SATB1: variants seen among roughly 807,000 people sequenced by gnomAD.
SATB1 encodes the protein DNA-binding protein SATB1.
In SATB1, 11 loss-of-function variants were observed where a neutral mutation model predicts 86.9. That is an observed-to-expected ratio of 0.13 (90% CI 0.08 to 0.21). The LOEUF (loss-of-function observed/expected upper bound fraction) is 0.21. Ranked by LOEUF, SATB1 falls within the 10% of genes least tolerant of loss-of-function variation. The pLI, the probability that SATB1 is intolerant of heterozygous loss-of-function variation, is 1.00. For synonymous variants in SATB1, 357 were observed against 357.2 expected (o/e 1.00, Z 0.01); for missense variants, 551 against 937.6 (o/e 0.59, Z 5.39).
intron 9 of SATB1, among the ~76,000 whole-genome samples, chr3:18,359,334 C>T (rs1319854700): frequency 6.6e-6 from 1 of 151,536 alleles, no homozygotes; most frequent in Non-Finnish European, 1.5e-5. Context: ...GGAGATCTCA[C>T]ATTTTAAAGA....
intron 5 of SATB1, among the ~76,000 whole-genome samples, chr3:18,410,021 G>A (rs1455376581): frequency 6.6e-6 from 1 of 152,008 alleles, no homozygotes; most frequent in Non-Finnish European, 1.5e-5. Context: ...GAATAGGAAA[G>A]AGAAGTAACT....
At chr3:18,351,355 TG>T (rs1694350340) in intron 10 of SATB1, 1 of 1,555,484 alleles carries the variant, frequency 6.4e-7, no homozygotes, top group Non-Finnish European at 8.6e-7. Flanking sequence ...TCGGCAGGCC[TG>T]GTAAGAAAAC....
At chr3:18,395,508 A>T (rs1358077472) in intron 6 of SATB1, among the ~76,000 whole-genome samples, 1 of 152,232 alleles carries the variant, frequency 6.6e-6, no homozygotes, top group African/African-American at 2.4e-5. Flanking sequence ...ATAAGTGTAT[A>T]TTGAACACTT....
chr3:18,431,445 A>G (rs1046410001), intron 2 of SATB1, among the ~76,000 whole-genome samples: 15 of 152,288 alleles, frequency 9.8e-5, no homozygotes, highest in African/African-American at 3.1e-4. Context: ...TTACTCATGT[A>G]TATATTTCTG....
At chr3:18,434,860 A>G (rs1342124000) in intron 2 of SATB1, 1 of 151,978 alleles carries the variant, frequency 6.6e-6, no homozygotes, top group African/African-American at 2.4e-5. Flanking sequence ...TGTCAAACAA[A>G]CAAATAAAAA....
At chr3:18,433,202 G>C (rs1376519257) in intron 2 of SATB1, among the ~76,000 whole-genome samples, 1 of 152,130 alleles carries the variant, frequency 6.6e-6, no homozygotes, top group Non-Finnish European at 1.5e-5. Context: ...AATTCTTTTG[G>C]AATGTTTTTC....
chr3:18,371,766 T>C (rs917599535), intron 9 of SATB1, among the ~76,000 whole-genome samples: 18 of 152,228 alleles, frequency 1.2e-4, no homozygotes, highest in African/African-American at 4.3e-4. Flanking sequence ...ACCTTCATTA[T>C]CAAAAACATA....
chr3:18,430,386 GAACT>G (rs1384569547), intron 2 of SATB1, among the ~76,000 whole-genome samples: 1 of 152,162 alleles, frequency 6.6e-6, no homozygotes, highest in African/African-American at 2.4e-5. Context: ...ACAAATTTAA[GAACT>G]TTCTAGACAT....
At chr3:18,419,037 C>T (rs955171205) in intron 2 of SATB1, among the ~76,000 whole-genome samples, 3 of 152,142 alleles carry the variant, frequency 2.0e-5, no homozygotes, top group Admixed American at 6.5e-5. Flanking sequence ...ATGTATTCTA[C>T]AATATGCTTT....
intron 9 of SATB1, among the ~76,000 whole-genome samples, chr3:18,354,544 AT>A (rs1016419177): frequency 1.2e-3 from 175 of 151,790 alleles, no homozygotes; most frequent in African/African-American, 3.8e-3. Context: ...GCATCCAAGA[AT>A]TTTTTTTTAG....
rs1449946791 is a variant in SATB1, at chr3:18,394,318, T to G, written c.1206+144A>C. The stretch of plus-strand genomic sequence containing the variant: ...GGAAAAGGAGTGGTAAAATTGAGGC[T>G]CCACCAGGAATAGGTAATATGATCA... On this transcript the variant is annotated intron_variant, in intron 7 of 10. Coordinates refer to ENST00000338745, the MANE Select transcript of SATB1 (RefSeq NM_002971.6). The surrounding 1 kb of genome is among the most constrained non-coding windows in gnomAD (Gnocchi z 5.9). The G allele has an allele frequency of 4.2e-6, 3 of 708,118 alleles. No homozygotes were observed. Among genetic ancestry groups the G allele is most frequent in the Non-Finnish European group, 4.7e-6 (2 of 425,402 alleles). The allele number at this position is 708,118 out of a possible 1,614,324, so 43.9% of individuals were successfully genotyped here.
intron 3 of SATB1, 120 bp from the exon 4 acceptor site, chr3:18,416,253 G>T: frequency 1.5e-6 from 1 of 675,646 alleles, no homozygotes; most frequent in Non-Finnish European, 2.2e-6. Context: ...ATTTCTGTTT[G>T]AATGATTCCC....
At chr3:18,365,398 G>T (rs1036768975) in intron 9 of SATB1, among the ~76,000 whole-genome samples, 11 of 145,216 alleles carry the variant, frequency 7.6e-5, no homozygotes, top group Non-Finnish European at 1.1e-4. Context: ...ACAGATACAG[G>T]ATAGAGGCAG....
Position 18,346,162 on chromosome 3 carries a change from T to C in SATB1, c.*3008A>G, listed in dbSNP as rs1207238585. The C allele has an allele frequency of 6.6e-6, 1 of 152,138 alleles. No individual in the cohort carries two copies. The highest frequency in any genetic ancestry group is 1.9e-4 in the East Asian group (1 of 5,196). 9.4% of individuals were successfully genotyped at this position (152,138 alleles called of 1,614,324 possible). A position where few individuals can be genotyped will look rare whatever the true frequency, so the allele number is the denominator to read the frequency against. On this transcript the variant is annotated 3_prime_UTR_variant, in exon 11 of 11. Transcript: ENST00000338745. Reference sequence around the variant, plus strand: ...GTTTTCAAAGGTTGTCAACTCTGCATATTGTGTGGCAAGGAGATACTATCA... The same window carrying C: ...GTTTTCAAAGGTTGTCAACTCTGCACATTGTGTGGCAAGGAGATACTATCA...
In SATB1 at chr3:18,359,657, T is replaced by A. The variant is rs367806775; in HGVS notation, c.1576-7462A>T. Among the ~76,000 whole-genome samples, 5 of 152,006 alleles carry A rather than the reference T, an allele frequency of 3.3e-5. No homozygotes were observed. The South Asian group carries it at 6.2e-4, about 19-fold the overall frequency. Reference sequence around the variant, plus strand: ...CTTGAATAAGGACTCTGAAAAAAAATGTTCCCGTTTTTTTTCTCGTCAGCC... The same window carrying A: ...CTTGAATAAGGACTCTGAAAAAAAAAGTTCCCGTTTTTTTTCTCGTCAGCC... On this transcript the variant is annotated intron_variant, in intron 9 of 10. Coordinates refer to ENST00000338745, the MANE Select transcript of SATB1 (RefSeq NM_002971.6).
chr3:18,350,041 A>T (rs1419962470), intron 10 of SATB1: 1 of 223,382 alleles, frequency 4.5e-6, no homozygotes, highest in African/African-American at 2.3e-5. Context: ...ATAATTAACA[A>T]AGATTTAAAA....
rs1404452056 is a variant in SATB1, at chr3:18,394,242, G to T, written c.1206+220C>A. 6.6e-6 allele frequency among the ~76,000 whole-genome samples: 1 copy of T among 152,202 alleles called. No homozygotes were observed. The highest frequency in any genetic ancestry group is 1.5e-5 in the Non-Finnish European group (1 of 68,032). ...ATTTAATTAGTCTTTCAAAGGCCCTGAATTGGGATCAATCTGCACATAGGT... is the reference window on the plus strand; with the variant it reads ...ATTTAATTAGTCTTTCAAAGGCCCTTAATTGGGATCAATCTGCACATAGGT... On this transcript the variant is annotated intron_variant, in intron 7 of 10. Coordinates refer to ENST00000338745, the MANE Select transcript of SATB1 (RefSeq NM_002971.6). This position sits in a 1 kb window ranked among gnomAD's most constrained non-coding sequence, Gnocchi z 5.9.
intron 5 of SATB1, among the ~76,000 whole-genome samples, chr3:18,414,172 T>C (rs1347165394): frequency 2.0e-5 from 3 of 152,100 alleles, no homozygotes; most frequent in African/African-American, 7.2e-5. Context: ...GGTAAAAATC[T>C]AGTTGGACCA....
intron 3 of SATB1, 89 bp downstream of exon 3, chr3:18,416,813 T>G: frequency 1.5e-6 from 2 of 1,300,828 alleles, no homozygotes; most frequent in South Asian, 2.9e-5. Flanking sequence ...CAGGCTACAG[T>G]TCTTTGAATA....
Sources: allele counts gnomAD v4.1 joint callset (sites outside exome capture counted in the v4.1 genomes callset), GRCh38; gene constraint gnomAD v4.1.1; non-coding constraint Gnocchi (gnomAD v3.1); transcripts MANE v1.5; gene names NCBI Gene and HGNC (gene_info 2026-07-23, HGNC 2026-07-21).